The following RALYL variants were observed in gnomAD, a reference collection of about 807,000 sequenced individuals.
RALYL encodes the protein RNA-binding Raly-like protein.
Under a neutral mutation model 35.1 loss-of-function variants are expected in RALYL, and 29 were observed. The observed-to-expected ratio is 0.83, with a 90% CI of 0.61 to 1.13. The LOEUF (loss-of-function observed/expected upper bound fraction) is 1.13, where lower values mean the gene tolerates loss of function less well. Among genes scored for constraint, RALYL ranks in the 50% most tolerant of loss-of-function variants. RALYL has a pLI of 0.00. For synonymous variants in RALYL, 120 were observed against 127.6 expected (o/e 0.94, Z 0.40); for missense variants, 359 against 360.4 (o/e 1.00, Z 0.03).
intron 1 of RALYL, among the ~76,000 whole-genome samples, chr8:84,193,280 T>C (rs1814434175): frequency 6.6e-6 from 1 of 152,180 alleles, no homozygotes; most frequent in African/African-American, 2.4e-5. Flanking sequence ...TTTATGTTTT[T>C]CAGGATGGAA....
chr8:84,401,637 C>CA (rs71271985), intron 1 of RALYL, among the ~76,000 whole-genome samples: 3,477 of 17,366 alleles, frequency 0.2, 1,079 homozygotes, highest in East Asian at 0.36. Context: ...GACTCTGTCT[C>CA]AAAAAAAAAA....
chr8:84,334,173 C>T (rs915010360), intron 1 of RALYL, among the ~76,000 whole-genome samples: 1 of 152,128 alleles, frequency 6.6e-6, no homozygotes, highest in Admixed American at 6.6e-5. Context: ...TGTGAGCCAC[C>T]TCACCAGGCC....
chr8:84,892,544 G>C (rs542461413), intron 8 of RALYL, among the ~76,000 whole-genome samples: 1 of 151,678 alleles, frequency 6.6e-6, no homozygotes, highest in East Asian at 1.9e-4. Flanking sequence ...CAAGAGACGG[G>C]GGTTGTTGTG....
chr8:84,558,310 C>G (rs139782837), intron 2 of RALYL, among the ~76,000 whole-genome samples: 1 of 152,030 alleles, frequency 6.6e-6, no homozygotes. Flanking sequence ...TAAAAATAAA[C>G]TGGATCTGAC....
At chr8:84,191,764 A>G (rs1381995121) in intron 1 of RALYL, among the ~76,000 whole-genome samples, 5 of 152,214 alleles carry the variant, frequency 3.3e-5, no homozygotes, top group Non-Finnish European at 5.9e-5. Context: ...CTCTAAATAA[A>G]TATATAAAAA....
At chr8:84,527,120 C>T (rs2058960549) in intron 1 of RALYL, among the ~76,000 whole-genome samples, 1 of 152,134 alleles carries the variant, frequency 6.6e-6, no homozygotes, top group South Asian at 2.1e-4. Context: ...CTCTTATAAA[C>T]ACTGATAGAA....
At chr8:84,724,995 ATG>A (rs1844668150) in intron 2 of RALYL, among the ~76,000 whole-genome samples, 1 of 151,666 alleles carries the variant, frequency 6.6e-6, no homozygotes, top group African/African-American at 2.4e-5. Context: ...TTTTTCCTTG[ATG>A]TGCTATCAAC....
At chr8:84,791,604 G>A (rs545528812) in intron 3 of RALYL, among the ~76,000 whole-genome samples, 2 of 152,254 alleles carry the variant, frequency 1.3e-5, no homozygotes, top group South Asian at 4.1e-4. Flanking sequence ...TGGGAGACCA[G>A]GCAGGAGATG....
intron 3 of RALYL, among the ~76,000 whole-genome samples, chr8:84,781,715 G>A (rs1020646491): frequency 1.1e-4 from 17 of 152,146 alleles, no homozygotes; most frequent in African/African-American, 3.6e-4. Context: ...AGGGAGGTGG[G>A]CAGGTAGGAT....
In RALYL at chr8:84,699,687, G is replaced by A. The variant is rs555372917; in HGVS notation, c.257-74892G>A. 1.2e-3 allele frequency among the ~76,000 whole-genome samples: 180 copies of A among 152,124 alleles called. 1 individual carries two copies. Among genetic ancestry groups the A allele is most frequent in the African/African-American group, 4.0e-3 (168 of 41,510 alleles). ...AGGTTTCAATGCACTAATTGGAGAG[G>A]AACAAAAACATTTAGACCATAGCAA... On this transcript the variant is annotated intron_variant, in intron 2 of 8. Coordinates refer to ENST00000521268, the MANE Select transcript of RALYL (RefSeq NM_173848.7).
At chr8:84,583,796 T>A (rs1275604994) in intron 2 of RALYL, among the ~76,000 whole-genome samples, 1 of 152,128 alleles carries the variant, frequency 6.6e-6, no homozygotes, top group East Asian at 1.9e-4. Flanking sequence ...CATTATTAAA[T>A]CCTTGCAACA....
chr8:84,544,483 T>C (rs139070760), intron 2 of RALYL, among the ~76,000 whole-genome samples: 1 of 152,192 alleles, frequency 6.6e-6, no homozygotes, highest in East Asian at 1.9e-4. Context: ...TACTCTCTTT[T>C]TATCATTGCA....
At chr8:84,903,152 G>C (rs1253573802) in intron 8 of RALYL, among the ~76,000 whole-genome samples, 1 of 152,090 alleles carries the variant, frequency 6.6e-6, no homozygotes, top group Non-Finnish European at 1.5e-5. Flanking sequence ...CTCACATCAA[G>C]ACACTCTTTT....
chr8:84,258,986 G>C (rs138785251), intron 1 of RALYL, among the ~76,000 whole-genome samples: 1 of 152,202 alleles, frequency 6.6e-6, no homozygotes, highest in Non-Finnish European at 1.5e-5. Flanking sequence ...ACTTGCGTCT[G>C]TCTCCTCTAG....
chr8:84,805,020 G>A (rs113961532), intron 4 of RALYL, among the ~76,000 whole-genome samples: 21 of 152,166 alleles, frequency 1.4e-4, no homozygotes, highest in African/African-American at 5.1e-4. Context: ...ATGAAATCCT[G>A]TATCTTCCAT....
intron 1 of RALYL, among the ~76,000 whole-genome samples, chr8:84,360,984 T>G (rs939961244): frequency 5.6e-5 from 8 of 143,376 alleles, no homozygotes; most frequent in Non-Finnish European, 1.1e-4. Flanking sequence ...AAAAGAAAAA[T>G]AAGAAATGCC....
chr8:84,231,286 G>A (rs369694208), intron 1 of RALYL, among the ~76,000 whole-genome samples: 3 of 149,116 alleles, frequency 2.0e-5, no homozygotes, highest in Non-Finnish European at 2.9e-5. Context: ...ACCATGACAC[G>A]GCATGGGGAA....
chr8:84,759,162 G>A (rs1252759415), intron 2 of RALYL, among the ~76,000 whole-genome samples: 1 of 151,984 alleles, frequency 6.6e-6, no homozygotes, highest in Non-Finnish European at 1.5e-5. Context: ...ACATGTGAAT[G>A]TACCCAGATT....
chr8:84,289,537 A>AT (rs924202421), intron 1 of RALYL, among the ~76,000 whole-genome samples: 44 of 149,808 alleles, frequency 2.9e-4, no homozygotes, highest in African/African-American at 9.0e-4. Flanking sequence ...CGTTCAGAAT[A>AT]TTTTTTTTTT....
Sources: gnomAD v4.1 joint callset for allele counts (sites outside exome capture counted in the v4.1 genomes callset) on GRCh38, gnomAD v4.1.1 for gene constraint, MANE v1.5 for transcripts, NCBI Gene and HGNC (gene_info 2026-07-23, HGNC 2026-07-21) for gene names.